Variants in EP300 observed in about 807,000 individuals in gnomAD.
EP300 encodes the protein EP300 lysine acetyltransferase.
A neutral mutation model predicts 264.0 loss-of-function variants in EP300; 31 were observed. That is an observed-to-expected ratio of 0.12 (90% CI 0.09 to 0.16). The LOEUF (loss-of-function observed/expected upper bound fraction) is 0.16. EP300 is among the 10% of genes least tolerant of loss of function. The pLI, the probability that EP300 is intolerant of heterozygous loss-of-function variation, is 1.00. For missense variants in EP300, 2,766 were observed against 3,052.9 expected (o/e 0.91, Z 2.21); for synonymous variants, 1,340 against 1,045.4 (o/e 1.28, Z -5.44).
chr22:41,095,976 A>G (rs2058699896), intron 1 of EP300, among the ~76,000 whole-genome samples: 1 of 152,218 alleles, frequency 6.6e-6, no homozygotes, highest in African/African-American at 2.4e-5. Context: ...GGTTGATTCA[A>G]ATAACTTAGG....
chr22:41,138,610 T>C (rs1042135166), intron 8 of EP300, among the ~76,000 whole-genome samples: 2 of 152,120 alleles, frequency 1.3e-5, no homozygotes, highest in Non-Finnish European at 2.9e-5. Context: ...TCTAAAGAGT[T>C]TTTGTCAGAT....
At position 41,141,140 on chromosome 22, in the gene EP300, G is replaced by C. The variant is rs779881493; in HGVS notation, c.1971G>C (p.Met657Ile). 6 of 1,614,040 alleles carry C rather than the reference G, an allele frequency of 3.7e-6. No homozygotes were observed. The East Asian group carries it at 1.3e-4, about 36-fold the overall frequency. Residue 657 changes from methionine to isoleucine, a missense_variant, in exon 10 of 31, where the codon ATG (methionine) becomes ATC (isoleucine). Transcript: ENST00000263253. ...GGACCAGACTACAGAAGCAGAACAT[G>C]CTACCAAATGCTGCAGGCATGGTTC... ...KRRTRLQKQN[M>I]LPNAAGMVPV...
intron 19 of EP300, chr22:41,160,431 C>CAAAAAAAA: frequency 5.5e-6 from 2 of 362,742 alleles, no homozygotes; most frequent in Non-Finnish European, 5.0e-6. Context: ...AAAAAAAAAA[C>CAAAAAAAA]AAAAAAAAAC....
In EP300 at chr22:41,178,622, C is replaced by A. The variant is rs746499882; in HGVS notation, c.6911C>A (p.Ser2304Tyr). The A allele has an allele frequency of 1.2e-6, 2 of 1,614,106 alleles. No homozygotes were observed. The highest frequency in any genetic ancestry group is 1.7e-6 in the Non-Finnish European group (2 of 1,180,016). ...GGCCAGCAGATCCCTAATTCTCTCT[C>A]CAATCAAGTGCGCTCTCCCCAGCCT... ...LQGQQIPNSLSNQVRSPQPVP... is the reference protein window; with the variant it reads ...LQGQQIPNSLYNQVRSPQPVP... The change falls in exon 31 of 31, where the codon TCC becomes TAC. Residue 2304 changes from serine (S) to tyrosine (Y), a missense_variant. By Grantham distance (144) the Ser-to-Tyr change is moderately radical. Coordinates refer to ENST00000263253, the MANE Select transcript of EP300 (RefSeq NM_001429.4).
intron 18 of EP300, 144 bp from the exon 19 acceptor site, chr22:41,158,268 A>T: frequency 2.8e-6 from 2 of 710,190 alleles, no homozygotes; most frequent in Non-Finnish European, 5.1e-6. Flanking sequence ...ACTGAGAATG[A>T]TTTTCAGGAA....
chr22:41,119,858 A>G (rs949346684), intron 2 of EP300, among the ~76,000 whole-genome samples: 1 of 152,162 alleles, frequency 6.6e-6, no homozygotes, highest in Non-Finnish European at 1.5e-5. Context: ...GCTGTTGCCC[A>G]TGCTGGAGTG....
intron 1 of EP300, among the ~76,000 whole-genome samples, chr22:41,114,171 A>G (rs1364169987): frequency 6.6e-6 from 1 of 150,766 alleles, no homozygotes; most frequent in Non-Finnish European, 1.5e-5. Context: ...ACATTTGGGT[A>G]TTTGTTGTTG....
intron 25 of EP300, 177 bp from the exon 26 acceptor site, chr22:41,169,326 G>A (rs2059157036): frequency 1.6e-6 from 1 of 616,706 alleles, no homozygotes; most frequent in East Asian, 2.8e-5. Context: ...CAGGCTCACT[G>A]AACTTCCCTG....
intron 22 of EP300, 68 bp from the exon 23 acceptor site, chr22:41,166,531 A>T: frequency 7.8e-7 from 1 of 1,283,308 alleles, no homozygotes; most frequent in Non-Finnish European, 1.1e-6. Context: ...TTTGAATTTT[A>T]ACTTTTTGTT....
intron 1 of EP300, among the ~76,000 whole-genome samples, chr22:41,095,478 C>T (rs1034211881): frequency 6.6e-6 from 1 of 151,896 alleles, no homozygotes; most frequent in African/African-American, 2.4e-5. Context: ...GTGATCCACC[C>T]ACCTTGGCCT....
chr22:41,134,163 C>CTTTTTTTTT (rs11362436), intron 6 of EP300, among the ~76,000 whole-genome samples: 330 of 105,156 alleles, frequency 3.1e-3, no homozygotes, highest in African/African-American at 4.1e-3. Context: ...TCATTCTTTT[C>CTTTTTTTTT]TTTTTTTTTT....
At chr22:41,158,619 T>C (rs908285257) in intron 19 of EP300, 119 bp downstream of exon 19, 9 of 792,368 alleles carry the variant, frequency 1.1e-5, no homozygotes, top group African/African-American at 1.7e-5. Flanking sequence ...GACAGCTGTA[T>C]AGCACAAGTT....
At position 41,167,584 on chromosome 22, in the gene EP300, G is replaced by GTATATATATATATA. The variant is rs56131556; in HGVS notation, c.3875-826_3875-813dup. ...TTTGTGTGTGTGTGTGTGTGTGTGT[G>GTATATATATATATA]TATATATATATATATATATATATAT... On this transcript the variant is annotated intron_variant, in intron 23 of 30. Transcript: ENST00000263253. 1.1e-3 allele frequency among the ~76,000 whole-genome samples: 39 copies of GTATATATATATATA among 34,450 alleles called. 1 individual carries two copies. The highest frequency in any genetic ancestry group is 1.9e-3 in the Admixed American group (5 of 2,566). 22.6% of individuals were successfully genotyped at this position (34,450 alleles called of 152,430 possible).
intron 16 of EP300, among the ~76,000 whole-genome samples, chr22:41,153,254 A>G (rs2059057464): frequency 6.6e-6 from 1 of 152,198 alleles, no homozygotes; most frequent in Non-Finnish European, 1.5e-5. Context: ...TTGTGGCTCT[A>G]GTGATCTGCA....
chr22:41,142,634 C>T (rs1014741147), intron 10 of EP300, among the ~76,000 whole-genome samples: 22 of 152,162 alleles, frequency 1.4e-4, no homozygotes, highest in Admixed American at 1.4e-3. Flanking sequence ...GCCTGTACTC[C>T]CAGCACTTTG....
chr22:41,151,214 C>T (rs1202942074), intron 14 of EP300, among the ~76,000 whole-genome samples: 1 of 152,026 alleles, frequency 6.6e-6, no homozygotes, highest in African/African-American at 2.4e-5. Context: ...GCTGGTTCAT[C>T]GTGGCCTCTG....
chr22:41,156,666 A>G (rs538977352), intron 17 of EP300, among the ~76,000 whole-genome samples: 6 of 152,198 alleles, frequency 3.9e-5, no homozygotes, highest in Non-Finnish European at 7.3e-5. Context: ...CAGAGGTTGC[A>G]CTGAGCCAAG....
chr22:41,125,808 T>C, intron 2 of EP300, 56 bp from the exon 3 acceptor site: 2 of 1,557,488 alleles, frequency 1.3e-6, no homozygotes, highest in Non-Finnish European at 1.8e-6. Context: ...AGAAAAGGAA[T>C]AATAATGTCT....
rs780185897 is a variant in EP300, at chr22:41,178,659, A to G, written c.6948A>G (p.Pro2316=). ...GCTCTCCCCAGCCTGTCCCTTCTCC[A>G]CGGCCACAGTCCCAGCCCCCCCACT... is the stretch of plus-strand genomic sequence containing the variant. ...QVRSPQPVPS[P]RPQSQPPHSS... is the part of the protein sequence containing the mutation. The change falls in exon 31 of 31, where the codon CCA becomes CCG. Residue 2316 remains proline (P), a synonymous_variant. Coordinates refer to ENST00000263253, the MANE Select transcript of EP300 (RefSeq NM_001429.4). The G allele has an allele frequency of 1.9e-6, 3 of 1,613,810 alleles. No individual in the cohort carries two copies. The highest frequency in any genetic ancestry group is 1.3e-5 in the African/African-American group (1 of 74,842).
Sources: allele counts gnomAD v4.1 joint callset (sites outside exome capture counted in the v4.1 genomes callset), GRCh38; gene constraint gnomAD v4.1.1; transcripts MANE v1.5; gene names NCBI Gene and HGNC (gene_info 2026-07-23, HGNC 2026-07-21).